The following AAK1 variants were observed in gnomAD, a reference collection of about 807,000 sequenced individuals.
AAK1 encodes the protein AP2-associated protein kinase 1.
Under a neutral mutation model 116.0 loss-of-function variants are expected in AAK1, and 37 were observed. The ratio of observed to expected loss-of-function variants is 0.32; its 90% CI spans 0.25 to 0.42. The LOEUF is 0.42. Among genes scored for constraint, AAK1 ranks in the 10% least tolerant of loss-of-function variants. The pLI, the probability that AAK1 is intolerant of heterozygous loss-of-function variation, is 1.00. For synonymous variants in AAK1, 458 were observed against 439.9 expected, an observed-to-expected ratio of 1.04 and a Z score of -0.51; for missense variants, 919 against 1,170.6, an observed-to-expected ratio of 0.79 and a Z score of 3.14.
At chr2:69,513,476 C>T (rs879347701) in intron 13 of AAK1, among the ~76,000 whole-genome samples, 1 of 152,092 alleles carries the variant, frequency 6.6e-6, no homozygotes, top group Non-Finnish European at 1.5e-5. Flanking sequence ...CCTGCCACCA[C>T]GCCCGGCTAA....
At chr2:69,516,290 T>C (rs1676576829) in intron 12 of AAK1, among the ~76,000 whole-genome samples, 1 of 150,876 alleles carries the variant, frequency 6.6e-6, no homozygotes, top group Non-Finnish European at 1.5e-5. Flanking sequence ...TCTATGTTAA[T>C]GCTGTTAAGA....
intron 2 of AAK1, among the ~76,000 whole-genome samples, chr2:69,568,290 T>G (rs1671957705): frequency 6.6e-6 from 1 of 152,226 alleles, no homozygotes; most frequent in South Asian, 2.1e-4. Context: ...TACACAGTTT[T>G]CCACACTTAC....
At chr2:69,493,422 G>T (rs1373194542) in intron 17 of AAK1, among the ~76,000 whole-genome samples, 4 of 152,076 alleles carry the variant, frequency 2.6e-5, no homozygotes, top group Non-Finnish European at 5.9e-5. Context: ...AAGAGTGGGT[G>T]TGGGGGGACT....
intron 2 of AAK1, chr2:69,594,783 C>T (rs546169014): frequency 5.8e-5 from 63 of 1,094,486 alleles, no homozygotes; most frequent in Admixed American, 2.4e-4. Context: ...TACCTCCTCC[C>T]AGTTCAGAAT....
In AAK1 at chr2:69,469,333, A is replaced by G. The variant is rs1674598680; in HGVS notation, c.*6536T>C. On this transcript the variant is annotated 3_prime_UTR_variant, in exon 22 of 22. Coordinates refer to ENST00000409085, the MANE Select transcript of AAK1 (RefSeq NM_014911.5). ...GAAACAAGGTAGTCGAGAGAAGGAT[A>G]AATTCCAAATATACTAGAAACAGAA... is the stretch of plus-strand genomic sequence containing the variant. The G allele has an allele frequency of 2.0e-6, 2 of 985,336 alleles. No individual in the cohort carries two copies. Among genetic ancestry groups the G allele is most frequent in the Non-Finnish European group, 2.4e-6 (2 of 829,948 alleles). The allele number at this position is 985,336 out of a possible 1,614,324, so 61.0% of individuals were successfully genotyped here.
At chr2:69,575,617 C>T (rs950995407) in intron 2 of AAK1, among the ~76,000 whole-genome samples, 4 of 151,956 alleles carry the variant, frequency 2.6e-5, no homozygotes, top group East Asian at 1.9e-4. Flanking sequence ...TACAGGCACG[C>T]GCCAACATGT....
At chr2:69,617,067 T>C (rs146042668) in intron 2 of AAK1, among the ~76,000 whole-genome samples, 1,563 of 152,062 alleles carry the variant, frequency 0.01, 15 homozygotes, top group Non-Finnish European at 0.016. Context: ...CCTTAAGGTA[T>C]AGGTCAAGGA....
intron 2 of AAK1, among the ~76,000 whole-genome samples, chr2:69,587,696 C>T (rs1328543828): frequency 6.6e-6 from 1 of 151,892 alleles, no homozygotes; most frequent in Admixed American, 6.6e-5. Context: ...GAACTCCTGA[C>T]CTCAGGTGAT....
rs1448483942 is a variant in AAK1 at position 69,472,232 on chromosome 2, C to T, written c.*3637G>A. The T allele has an allele frequency of 3.4e-6, 3 of 881,312 alleles. No individual in the cohort carries two copies. Among genetic ancestry groups the T allele is most frequent in the Non-Finnish European group, 4.1e-6 (3 of 735,120 alleles). The allele number at this position is 881,312 out of a possible 1,614,324, so 54.6% of individuals were successfully genotyped here. On this transcript the variant is annotated 3_prime_UTR_variant, in exon 22 of 22. Coordinates refer to ENST00000409085, the MANE Select transcript of AAK1 (RefSeq NM_014911.5). ...TTTTTACTGTCTTCAACAGTAACCA[C>T]TCTTCATCTTACAGGGTTGAATTTG...
intron 2 of AAK1, among the ~76,000 whole-genome samples, chr2:69,578,653 A>T (rs1370044134): frequency 6.6e-6 from 1 of 152,112 alleles, no homozygotes; most frequent in Non-Finnish European, 1.5e-5. Flanking sequence ...TCTGAAGCCC[A>T]GCCTGGCTTC....
Position 69,478,934 on chromosome 2 carries a change from A to G in AAK1, c.2680+17T>C, listed in dbSNP as rs1272659222. The G allele has an allele frequency of 6.3e-7, 1 of 1,581,276 alleles. No individual in the cohort carries two copies. ...CTCTAAGGACACATGTGGGCCTGAG[A>G]AGAAGAAAGCATTTACCTTTATGGA... On this transcript the variant is annotated intron_variant, in intron 20 of 21. Coordinates refer to ENST00000409085, the MANE Select transcript of AAK1 (RefSeq NM_014911.5).
chr2:69,567,565 A>T (rs1671929859), intron 2 of AAK1, among the ~76,000 whole-genome samples: 2 of 152,096 alleles, frequency 1.3e-5, no homozygotes, highest in South Asian at 2.1e-4. Flanking sequence ...CCAATAAAAA[A>T]TTTTAAAAAA....
At position 69,474,857 on chromosome 2, in the gene AAK1, A is replaced by G. The variant is rs1182340147; in HGVS notation, c.*1012T>C. The G allele has an allele frequency of 3.0e-5, 30 of 985,714 alleles. No homozygotes were observed. Among genetic ancestry groups the G allele is most frequent in the Non-Finnish European group, 3.6e-5 (30 of 829,928 alleles). The allele number at this position is 985,714 out of a possible 1,614,324, so 61.1% of individuals were successfully genotyped here. ...ATATCAGACTTGAAATGCCAAGTGG[A>G]AACAGAACTATTCAGCATCTTCATT... On this transcript the variant is annotated 3_prime_UTR_variant, in exon 22 of 22. Transcript: ENST00000409085.
In AAK1 at chr2:69,559,262, TCACACACACA is replaced by T. The variant is rs375580392; in HGVS notation, c.164-2294_164-2285del. Reference sequence around the variant, plus strand: ...GAGGTCTTATCTATCTCTCTCTCTCTCACACACACACACACACACACACACACACACACAC... The same window carrying T: ...GAGGTCTTATCTATCTCTCTCTCTCTCACACACACACACACACACACACAC... On this transcript the variant is annotated intron_variant, in intron 2 of 21. Coordinates refer to ENST00000409085, the MANE Select transcript of AAK1 (RefSeq NM_014911.5). 1.5e-3 allele frequency among the ~76,000 whole-genome samples: 192 copies of T among 127,260 alleles called. 3 individuals are homozygous for T. The highest frequency in any genetic ancestry group is 5.6e-3 in the African/African-American group (181 of 32,210). The allele number at this position is 127,260 out of a possible 152,430, so 83.5% of individuals were successfully genotyped here. A position where few individuals can be genotyped will look rare whatever the true frequency, so the allele number is the denominator to read the frequency against.
chr2:69,528,907 G>C (rs1008113807), intron 8 of AAK1, among the ~76,000 whole-genome samples: 1 of 152,038 alleles, frequency 6.6e-6, no homozygotes, highest in African/African-American at 2.4e-5. Flanking sequence ...TTACATACCT[G>C]GAATTCTAAC....
intron 2 of AAK1, among the ~76,000 whole-genome samples, chr2:69,607,194 G>T (rs72897405): frequency 0.022 from 3,316 of 152,176 alleles, 112 homozygotes; most frequent in African/African-American, 0.074. Flanking sequence ...CCCCAAGAAG[G>T]TGACATATGA....
chr2:69,523,326 GGACA>G (rs1474500663), intron 10 of AAK1, among the ~76,000 whole-genome samples: 3 of 152,160 alleles, frequency 2.0e-5, no homozygotes, highest in Non-Finnish European at 2.9e-5. Context: ...TGAAGGAAAT[GGACA>G]GACTACAAAG....
intron 2 of AAK1, among the ~76,000 whole-genome samples, chr2:69,563,992 GA>G (rs2105101703): frequency 6.6e-6 from 1 of 152,208 alleles, no homozygotes; most frequent in South Asian, 2.1e-4. Flanking sequence ...AGGAGATTGA[GA>G]CCGTCCTAGC....
intron 2 of AAK1, among the ~76,000 whole-genome samples, chr2:69,640,053 A>ACTCTCTCTCTCTCTCTCTCT (rs1177010194): frequency 1.1e-5 from 1 of 92,742 alleles, no homozygotes; most frequent in Admixed American, 1.0e-4. Context: ...ACACACACAC[A>ACTCTCTCTCTCTCTCTCTCT]CTCTCTCTCT....
Sources: allele counts gnomAD v4.1 joint callset (sites outside exome capture counted in the v4.1 genomes callset), GRCh38; gene constraint gnomAD v4.1.1; transcripts MANE v1.5; gene names NCBI Gene and HGNC (gene_info 2026-07-23, HGNC 2026-07-21).